LPO: variants seen among roughly 807,000 people sequenced by gnomAD.
The protein encoded by LPO is salivary peroxidase.
LPO carries 70 observed loss-of-function variants against 68.4 expected under a neutral mutation model. The observed-to-expected ratio is 1.02, with a 90% CI of 0.84 to 1.25. The LOEUF is 1.25. Ranked by LOEUF, LPO falls within the 50% of genes most tolerant of loss-of-function variation. LPO has a pLI of 0.00. For missense variants in LPO, 873 were observed against 908.4 expected, an observed-to-expected ratio of 0.96 and a Z score of 0.50; for synonymous variants, 360 against 357.6, an observed-to-expected ratio of 1.01 and a Z score of -0.08.
At chr17:58,253,263 G>A (rs1165601090) in intron 8 of LPO, among the ~76,000 whole-genome samples, 1 of 151,982 alleles carries the variant, frequency 6.6e-6, no homozygotes, top group Admixed American at 6.6e-5. Context: ...GTTCTTCTAT[G>A]ACGTGATTTT....
rs1406788837 is a variant in LPO, at chr17:58,252,262, A to G, written c.861A>G (p.Pro287=). The G allele has an allele frequency of 6.2e-7, 1 of 1,613,850 alleles. No individual in the cohort carries two copies. Among genetic ancestry groups the G allele is most frequent in the Non-Finnish European group, 8.5e-7 (1 of 1,179,990 alleles). ...FFRAGFVCPT[P]PYKSLAREQI... ...GAGCTGGGTTCGTCTGCCCCACTCC[A>G]CCCTACAAGTCCCTGGCCCGAGAGC... The change falls in exon 8 of 13, where the codon CCA becomes CCG. Residue 287 remains proline (P), a synonymous_variant. Coordinates refer to ENST00000262290, the MANE Select transcript of LPO (RefSeq NM_006151.3).
intron 9 of LPO, among the ~76,000 whole-genome samples, chr17:58,259,656 A>C (rs913293968): frequency 6.6e-6 from 1 of 152,216 alleles, no homozygotes; most frequent in Admixed American, 6.5e-5. Context: ...TTATATATAC[A>C]TTTAGGGAGA....
intron 9 of LPO, among the ~76,000 whole-genome samples, chr17:58,261,361 C>T (rs979135379): frequency 1.3e-5 from 2 of 152,018 alleles, no homozygotes; most frequent in East Asian, 1.9e-4. Flanking sequence ...TGGATAGATC[C>T]TTTTATCATT....
chr17:58,250,172 C>T (rs1969932028), intron 6 of LPO, among the ~76,000 whole-genome samples: 1 of 152,272 alleles, frequency 6.6e-6, no homozygotes, highest in Non-Finnish European at 1.5e-5. Flanking sequence ...TCAAGTCATA[C>T]GGATCTGGGT....
At chr17:58,253,726 C>T (rs186051420) in intron 8 of LPO, among the ~76,000 whole-genome samples, 8 of 152,346 alleles carry the variant, frequency 5.3e-5, no homozygotes, top group Admixed American at 1.3e-4. Context: ...ATTTTGTGTT[C>T]ACATATATCC....
intron 2 of LPO, chr17:58,243,288 A>C: frequency 2.0e-6 from 1 of 496,902 alleles, no homozygotes; most frequent in Admixed American, 3.6e-5. Context: ...TAGCTGCAAC[A>C]CTCCAATCTC....
chr17:58,252,707 A>G (rs1317669310), intron 8 of LPO, among the ~76,000 whole-genome samples: 1 of 152,204 alleles, frequency 6.6e-6, no homozygotes, highest in African/African-American at 2.4e-5. Flanking sequence ...AAAATCAGGA[A>G]GTCCAGAAAA....
intron 4 of LPO, 120 bp downstream of exon 4, chr17:58,247,758 T>C (rs749199276): frequency 5.0e-5 from 57 of 1,130,094 alleles, no homozygotes; most frequent in Non-Finnish European, 7.0e-5. Flanking sequence ...AACACTCCTG[T>C]CTCTCCCTTC....
At chr17:58,240,253 G>T (rs1436947762) in intron 1 of LPO, among the ~76,000 whole-genome samples, 1 of 152,204 alleles carries the variant, frequency 6.6e-6, no homozygotes, top group East Asian at 1.9e-4. Flanking sequence ...TTGTGGACCA[G>T]CCTGGCATTT....
intron 11 of LPO, 106 bp from the exon 12 acceptor site, chr17:58,267,242 TA>T: frequency 1.3e-6 from 1 of 793,092 alleles, no homozygotes; most frequent in Non-Finnish European, 2.0e-6. Context: ...CCAAAGGCTG[TA>T]AGCCCAGACT....
In LPO at chr17:58,268,215, C is replaced by T; in HGVS notation, c.*221C>T. The T allele has an allele frequency of 1.8e-6, 1 of 562,790 alleles. No homozygotes were observed. Among genetic ancestry groups the T allele is most frequent in the Non-Finnish European group, 3.2e-6 (1 of 314,462 alleles). 34.9% of individuals were successfully genotyped at this position (562,790 alleles called of 1,614,324 possible). ...CAGTGGCTTCTCCTTTCTGTCAAGACTTAGCCCCGCTGAGATGCCCTTCTG... is the reference window on the plus strand; with the variant it reads ...CAGTGGCTTCTCCTTTCTGTCAAGATTTAGCCCCGCTGAGATGCCCTTCTG... On this transcript the variant is annotated 3_prime_UTR_variant, in exon 13 of 13. Coordinates refer to ENST00000262290, the MANE Select transcript of LPO (RefSeq NM_006151.3).
At chr17:58,242,627 G>T (rs1043900996) in intron 1 of LPO, among the ~76,000 whole-genome samples, 2 of 152,176 alleles carry the variant, frequency 1.3e-5, no homozygotes, top group Admixed American at 6.5e-5. Context: ...GAACATTCTG[G>T]ATCACTTGGT....
intron 9 of LPO, among the ~76,000 whole-genome samples, chr17:58,259,408 A>G: frequency 6.6e-6 from 1 of 152,214 alleles, no homozygotes. Context: ...GCATATTTAC[A>G]TGGATCTATT....
chr17:58,254,699 G>C (rs894638563), intron 8 of LPO, 112 bp from the exon 9 acceptor site: 6 of 1,022,448 alleles, frequency 5.9e-6, no homozygotes, highest in Non-Finnish European at 8.4e-6. Flanking sequence ...GCTTGTTGAC[G>C]GGGCGGGGGG....
chr17:58,253,364 T>C (rs748536912), intron 8 of LPO, among the ~76,000 whole-genome samples: 2 of 152,270 alleles, frequency 1.3e-5, no homozygotes, highest in African/African-American at 2.4e-5. Context: ...AGTTTTCCTG[T>C]GTTTTGTTGC....
intron 9 of LPO, among the ~76,000 whole-genome samples, chr17:58,260,531 G>T (rs1970157026): frequency 6.6e-6 from 1 of 152,158 alleles, no homozygotes; most frequent in South Asian, 2.1e-4. Context: ...ATGTTTTGTA[G>T]TTGCCCTTTA....
At chr17:58,253,510 G>A (rs923379498) in intron 8 of LPO, among the ~76,000 whole-genome samples, 1 of 152,152 alleles carries the variant, frequency 6.6e-6, no homozygotes, top group Non-Finnish European at 1.5e-5. Context: ...ATAACCTGGG[G>A]ACAAAATCCC....
chr17:58,244,094 C>A lies in LPO; in HGVS notation c.164+13C>A. The A allele has an allele frequency of 2.4e-6, 1 of 409,884 alleles. No homozygotes were observed. The highest frequency in any genetic ancestry group is 4.0e-6 in the Non-Finnish European group (1 of 251,908). The allele number at this position is 409,884 out of a possible 1,614,324, so 25.4% of individuals were successfully genotyped here. A position where few individuals can be genotyped will look rare whatever the true frequency, so the allele number is the denominator to read the frequency against. ...ACTCCCGAACCAGGTACGTGAGACA[C>A]ACACACACACACACACACACACACA... On this transcript the variant is annotated intron_variant, in intron 3 of 12. Coordinates refer to ENST00000262290, the MANE Select transcript of LPO (RefSeq NM_006151.3).
At chr17:58,241,452 T>A (rs1252202661) in intron 1 of LPO, among the ~76,000 whole-genome samples, 1 of 152,120 alleles carries the variant, frequency 6.6e-6, no homozygotes, top group Admixed American at 6.6e-5. Flanking sequence ...CAATGATACC[T>A]TTTCCTCCAA....
Sources: allele counts gnomAD v4.1 joint callset (sites outside exome capture counted in the v4.1 genomes callset), GRCh38; gene constraint gnomAD v4.1.1; transcripts MANE v1.5; gene names NCBI Gene and HGNC (gene_info 2026-07-23, HGNC 2026-07-21).